Variants in ACVR1C observed in about 807,000 individuals in gnomAD.
The protein encoded by ACVR1C is activin receptor type-1C.
A neutral mutation model predicts 57.9 loss-of-function variants in ACVR1C; 23 were observed. The ratio of observed to expected loss-of-function variants is 0.40; its 90% CI spans 0.29 to 0.56. The LOEUF (loss-of-function observed/expected upper bound fraction) is 0.56. Ranked by LOEUF, ACVR1C falls within the 20% of genes least tolerant of loss-of-function variation. ACVR1C has a pLI of 0.50. For synonymous variants in ACVR1C, 214 were observed against 215.3 expected (o/e 0.99, Z 0.05); for missense variants, 480 against 607.9 (o/e 0.79, Z 2.21).
chr2:157,547,959 A>G (rs1244675468), intron 4 of ACVR1C, among the ~76,000 whole-genome samples: 12 of 151,964 alleles, frequency 7.9e-5, no homozygotes, highest in Admixed American at 3.9e-4. Flanking sequence ...TAGGTCTAAC[A>G]TTTAAGTCTT....
chr2:157,554,179 G>C (rs550888993), intron 3 of ACVR1C, among the ~76,000 whole-genome samples: 6 of 82,658 alleles, frequency 7.3e-5, no homozygotes, highest in Admixed American at 1.4e-4. Context: ...TGAGAATCTG[G>C]AAAAAAAAAA....
rs371454202 is a variant in ACVR1C at position 157,587,252 on chromosome 2, T to C, written c.239A>G (p.Asn80Ser). 6 of 1,613,628 alleles carry C rather than the reference T, an allele frequency of 3.7e-6. No individual in the cohort carries two copies. The highest frequency in any genetic ancestry group is 2.7e-5 in the African/African-American group (2 of 74,914). Residue 80 changes from asparagine (N) to serine (S), a missense_variant, in exon 2 of 9, where the codon AAT becomes AGT. Transcript: ENST00000243349. ...NAQVFCHSSN[N>S]VTKTECCFTD... Reference sequence around the variant, plus strand: ...GAAGCAGCATTCGGTTTTGGTAACATTGTTGGAACTATGACAGAAGACTTG... The same window carrying C: ...GAAGCAGCATTCGGTTTTGGTAACACTGTTGGAACTATGACAGAAGACTTG...
chr2:157,536,324 A>G (rs1687487287), intron 8 of ACVR1C, among the ~76,000 whole-genome samples: 1 of 152,230 alleles, frequency 6.6e-6, no homozygotes, highest in South Asian at 2.1e-4. Flanking sequence ...CAAATATTCC[A>G]AGCAAGATTA....
intron 3 of ACVR1C, among the ~76,000 whole-genome samples, chr2:157,554,244 A>AAAGAAAGG (rs1688012171): frequency 7.3e-6 from 1 of 136,158 alleles, no homozygotes; most frequent in Non-Finnish European, 1.5e-5. Context: ...AGAAAGAAAG[A>AAAGAAAGG]AAGAAAGAAA....
intron 1 of ACVR1C, chr2:157,597,279 C>T (rs1682149669): frequency 1.1e-6 from 1 of 916,154 alleles, no homozygotes; most frequent in Non-Finnish European, 1.3e-6. Flanking sequence ...CCTGATGGAA[C>T]TCCATTCCCG....
chr2:157,550,034 GAA>G (rs1324250775), intron 4 of ACVR1C, 126 bp downstream of exon 4: 1,378 of 590,216 alleles, frequency 2.3e-3, no homozygotes, highest in South Asian at 3.0e-3. Context: ...AAAGGAAAAG[GAA>G]AAAAAAAAAA....
chr2:157,587,490 T>C (rs1315114817), intron 1 of ACVR1C, 73 bp from the exon 2 acceptor site: 9 of 1,133,106 alleles, frequency 7.9e-6, no homozygotes, highest in Admixed American at 6.1e-5. Flanking sequence ...TACCTGGGAA[T>C]ATAAATTCAA....
chr2:157,555,586 C>A (rs1361511485), intron 3 of ACVR1C, among the ~76,000 whole-genome samples: 1 of 152,138 alleles, frequency 6.6e-6, no homozygotes, highest in Non-Finnish European at 1.5e-5. Context: ...TAGGTGAGTT[C>A]CCTGTTAGCT....
chr2:157,577,199 A>G (rs956994804), intron 2 of ACVR1C, among the ~76,000 whole-genome samples: 2 of 152,094 alleles, frequency 1.3e-5, no homozygotes, highest in African/African-American at 4.8e-5. Context: ...CCATTTTATA[A>G]CTGATTCAAG....
At chr2:157,554,197 A>AAGAGAGAGAGAGAGAGAGAG (rs755252966) in intron 3 of ACVR1C, among the ~76,000 whole-genome samples, 1 of 118,714 alleles carries the variant, frequency 8.4e-6, no homozygotes, top group African/African-American at 3.6e-5. Flanking sequence ...AAAAATAAAG[A>AAGAGAGAGAGAGAGAGAGAG]AGAGAGAAAG....
At chr2:157,616,751 A>C (rs536557134) in intron 1 of ACVR1C, among the ~76,000 whole-genome samples, 1 of 152,232 alleles carries the variant, frequency 6.6e-6, no homozygotes, top group South Asian at 2.1e-4. Flanking sequence ...GTAATGAGTG[A>C]AATGACACAG....
chr2:157,542,878 G>C lies in ACVR1C; in HGVS notation c.944-16C>G. On this transcript the variant is annotated splice_polypyrimidine_tract_variant and intron_variant, in intron 5 of 8. Transcript: ENST00000243349. ...GCAGGTTTACCTATGAAGCAAAGAA[G>C]AACATATTCATTTTTTTCTTTACCG... The C allele has an allele frequency of 6.2e-7, 1 of 1,611,242 alleles. No individual in the cohort carries two copies. Among genetic ancestry groups the C allele is most frequent in the Non-Finnish European group, 8.5e-7 (1 of 1,178,724 alleles).
chr2:157,528,322 AT>A lies in ACVR1C; in HGVS notation c.*5595del, dbSNP rs982363377. On this transcript the variant is annotated 3_prime_UTR_variant, in exon 9 of 9. Coordinates refer to ENST00000243349, the MANE Select transcript of ACVR1C (RefSeq NM_145259.3). ...TCTTAGTGGCCCTATTAAAATTCAGATTAACATAACCCACAGTAAACTCTTG... is the reference window on the plus strand; with the variant it reads ...TCTTAGTGGCCCTATTAAAATTCAGATAACATAACCCACAGTAAACTCTTG... The A allele has an allele frequency of 8.4e-4, 128 of 152,282 alleles. No homozygotes were observed. Among genetic ancestry groups the A allele is most frequent in the African/African-American group, 3.0e-3 (125 of 41,562 alleles). The allele number at this position is 152,282 out of a possible 1,614,324, so 9.4% of individuals were successfully genotyped here.
rs1013661085 is a variant in ACVR1C, at chr2:157,527,163, T to C, written c.*6755A>G. On this transcript the variant is annotated 3_prime_UTR_variant, in exon 9 of 9. Transcript: ENST00000243349. Reference sequence around the variant, plus strand: ...AATATCATTCATTTCTCTTTGGAGTTTGAAATTCTCTTCACCTTCCACATT... The same window carrying C: ...AATATCATTCATTTCTCTTTGGAGTCTGAAATTCTCTTCACCTTCCACATT... The C allele has an allele frequency of 5.9e-5, 9 of 152,196 alleles. No individual in the cohort carries two copies. Among genetic ancestry groups the C allele is most frequent in the African/African-American group, 1.9e-4 (8 of 41,458 alleles). 9.4% of individuals were successfully genotyped at this position (152,196 alleles called of 1,614,324 possible).
In ACVR1C at chr2:157,538,612, C is replaced by T. The variant is rs764695042; in HGVS notation, c.1317G>A (p.Lys439=). The change falls in exon 8 of 9, where the codon AAG becomes AAA. Residue 439 remains lysine, a synonymous_variant. Transcript: ENST00000243349. ...EEMRKVVCDQ[K]FRPSIPNQWQ... is the part of the protein sequence containing the mutation. ...ACTGGTTTGGGATACTTGGTCGAAACTTCTGGTCACAAACAACCTTTCTCA... is the reference window on the plus strand; with the variant it reads ...ACTGGTTTGGGATACTTGGTCGAAATTTCTGGTCACAAACAACCTTTCTCA... 2.5e-6 allele frequency: 4 copies of T among 1,581,154 alleles called. No homozygotes were observed. The Admixed American group carries it at 7.2e-5, about 28-fold the overall frequency.
At position 157,527,996 on chromosome 2, in the gene ACVR1C, G is replaced by A. The variant is rs1382890447; in HGVS notation, c.*5922C>T. On this transcript the variant is annotated 3_prime_UTR_variant, in exon 9 of 9. Transcript: ENST00000243349. ...AATCAATTTCTCTTCTCTCAGGAAT[G>A]CCAGGATGAAAAGATAAAGTATTAT... The A allele has an allele frequency of 1.3e-5, 2 of 152,110 alleles. No homozygotes were observed. The highest frequency in any genetic ancestry group is 4.8e-5 in the African/African-American group (2 of 41,422). 9.4% of individuals were successfully genotyped at this position (152,110 alleles called of 1,614,324 possible).
At chr2:157,609,992 A>T (rs1473119098) in intron 1 of ACVR1C, among the ~76,000 whole-genome samples, 1 of 151,970 alleles carries the variant, frequency 6.6e-6, no homozygotes, top group Non-Finnish European at 1.5e-5. Context: ...TGTTCCTGTC[A>T]TATTGTTAAT....
At chr2:157,574,328 G>A (rs895463084) in intron 2 of ACVR1C, among the ~76,000 whole-genome samples, 3 of 152,138 alleles carry the variant, frequency 2.0e-5, no homozygotes, top group Non-Finnish European at 1.5e-5. Flanking sequence ...ATGGTGGAGG[G>A]AGCAAAGGAG....
intron 1 of ACVR1C, among the ~76,000 whole-genome samples, chr2:157,612,083 G>T (rs1171350671): frequency 6.6e-6 from 1 of 152,174 alleles, no homozygotes; most frequent in African/African-American, 2.4e-5. Flanking sequence ...TGTGTGGGGA[G>T]CCTGTATTCA....
Sources: gnomAD v4.1 joint callset for allele counts (sites outside exome capture counted in the v4.1 genomes callset) on GRCh38, gnomAD v4.1.1 for gene constraint, MANE v1.5 for transcripts, NCBI Gene and HGNC (gene_info 2026-07-23, HGNC 2026-07-21) for gene names.